SLC35D1: variants seen among roughly 807,000 people sequenced by gnomAD.
SLC35D1 encodes the protein solute carrier family 35 member D1.
SLC35D1 carries 31 observed loss-of-function variants against 46.7 expected under a neutral mutation model. The ratio of observed to expected loss-of-function variants is 0.66; its 90% CI spans 0.50 to 0.90. The LOEUF (loss-of-function observed/expected upper bound fraction) is 0.90, where lower values mean the gene tolerates loss of function less well. Ranked by LOEUF, SLC35D1 falls within the 40% of genes least tolerant of loss-of-function variation. SLC35D1 has a pLI of 0.00. For synonymous variants in SLC35D1, 195 were observed against 164.6 expected (o/e 1.18, Z -1.41); for missense variants, 397 against 426.2 (o/e 0.93, Z 0.60).
At position 67,049,979 on chromosome 1, in the gene SLC35D1, C is replaced by T. The variant is rs1396771106; in HGVS notation, c.465-129G>A. ...TCGTATTTTAAACATTTCTGAGAAA[C>T]TGATATTTAAAAGAACCCCTTTGAT... On this transcript the variant is annotated intron_variant, in intron 5 of 11. Coordinates refer to ENST00000235345, the MANE Select transcript of SLC35D1 (RefSeq NM_015139.3). 5.4e-6 allele frequency: 4 copies of T among 739,868 alleles called. No homozygotes were observed. In the African/African-American group the frequency reaches 7.1e-5, roughly 13 times the overall value. 45.8% of individuals were successfully genotyped at this position (739,868 alleles called of 1,614,324 possible). A position where few individuals can be genotyped will look rare whatever the true frequency, so the allele number is the denominator to read the frequency against.
At chr1:67,043,708 C>T (rs1159894390) in intron 7 of SLC35D1, among the ~76,000 whole-genome samples, 2 of 152,174 alleles carry the variant, frequency 1.3e-5, no homozygotes, top group Non-Finnish European at 2.9e-5. Flanking sequence ...ATTACTATAA[C>T]TACAGCTCCC....
the SLC35D1 span, chr1:66,988,579 T>C: frequency 5.3e-5 from 8 of 152,336 alleles, no homozygotes; most frequent in African/African-American, 1.9e-4. Context: ...GTATAAAGAA[T>C]TATAGAATGT....
intron 11 of SLC35D1, among the ~76,000 whole-genome samples, chr1:67,004,712 T>G (rs1419925810): frequency 6.6e-6 from 1 of 152,216 alleles, no homozygotes; most frequent in Admixed American, 6.5e-5. Context: ...CCCATTTTAT[T>G]TAAATGAACA....
downstream of SLC35D1, among the ~76,000 whole-genome samples, chr1:66,996,138 C>T (rs138499380): frequency 4.5e-3 from 678 of 152,296 alleles, 5 homozygotes; most frequent in African/African-American, 0.016. Context: ...CATTTTAGCC[C>T]GAACCCAGTG....
intron 10 of SLC35D1, among the ~76,000 whole-genome samples, chr1:67,011,571 C>CT (rs1461707599): frequency 2.0e-5 from 3 of 152,206 alleles, no homozygotes; most frequent in African/African-American, 7.2e-5. Flanking sequence ...CAATCCCTGC[C>CT]TCCTAGGCTC....
intron 8 of SLC35D1, among the ~76,000 whole-genome samples, chr1:67,040,931 G>A (rs190346061): frequency 4.5e-4 from 68 of 152,264 alleles, no homozygotes; most frequent in African/African-American, 1.3e-3. Flanking sequence ...TCTGCTAGTC[G>A]CTAGTCTGCT....
At chr1:67,013,158 A>ATATATATATGTATATATATATATATATG (rs1553264895) in intron 10 of SLC35D1, among the ~76,000 whole-genome samples, 3 of 103,640 alleles carry the variant, frequency 2.9e-5, no homozygotes, top group African/African-American at 1.7e-4. Context: ...TATCCTGGAG[A>ATATATATATGTATATATATATATATATG]TATATATATA....
At chr1:66,995,463 A>G (rs1362430331), downstream of SLC35D1, among the ~76,000 whole-genome samples, 59 of 117,730 alleles carry the variant, frequency 5.0e-4, no homozygotes, top group African/African-American at 2.0e-3. Context: ...AAAAAAAAAA[A>G]AAAAAAAAAA....
chr1:66,989,895 A>G, the SLC35D1 span, among the ~76,000 whole-genome samples: 2 of 152,210 alleles, frequency 1.3e-5, no homozygotes, highest in Non-Finnish European at 2.9e-5. Context: ...GAAAATCTAG[A>G]TTTAGGTTAA....
In SLC35D1 at chr1:67,004,518, A is replaced by T. The variant is rs1667406932; in HGVS notation, c.960-70T>A. 5.1e-6 allele frequency: 7 copies of T among 1,377,090 alleles called. No homozygotes were observed. In the East Asian group the frequency reaches 1.4e-4, roughly 27 times the overall value. 85.3% of individuals were successfully genotyped at this position (1,377,090 alleles called of 1,614,324 possible). ...TTTAGTGTAAACACTCTACTCAGTA[A>T]AAAAACTTACACCAAAAAATTAGAT... On this transcript the variant is annotated intron_variant, in intron 11 of 11. Transcript: ENST00000235345.
chr1:66,994,368 G>A (rs2102206701), downstream of SLC35D1, among the ~76,000 whole-genome samples: 1 of 152,336 alleles, frequency 6.6e-6, no homozygotes, highest in East Asian at 1.9e-4. Context: ...ATCCAGGCCA[G>A]GCACAGTGGC....
chr1:67,010,016 G>T (rs1667531336), intron 10 of SLC35D1, among the ~76,000 whole-genome samples: 1 of 152,180 alleles, frequency 6.6e-6, no homozygotes, highest in Admixed American at 6.5e-5. Context: ...AAAAAAGAAA[G>T]AAATCATGTC....
chr1:67,053,993 A>G lies in SLC35D1; in HGVS notation c.21T>C (p.Arg7=). 6.2e-7 allele frequency: 1 copy of G among 1,611,586 alleles called. No homozygotes were observed. The highest frequency in any genetic ancestry group is 8.5e-7 in the Non-Finnish European group (1 of 1,178,734). ...CTTCTCCTTTAACCCGAGCATGCTG[A>G]CGTCTATGAACTTCCGCCATGGCTG... MAEVHR[R]QHARVKGEAP... Residue 7 remains arginine, a synonymous_variant, in exon 1 of 12, where the codon CGT becomes CGC. Coordinates refer to ENST00000235345, the MANE Select transcript of SLC35D1 (RefSeq NM_015139.3).
chr1:67,023,781 C>A lies in SLC35D1; in HGVS notation c.730-2179G>T, dbSNP rs1667861200. Among the ~76,000 whole-genome samples the A allele has an allele frequency of 2.0e-5, 3 of 151,642 alleles. No homozygotes were observed. In the South Asian group the frequency reaches 6.3e-4, roughly 32 times the overall value. ...GATTACAGAGGTACAAAAGAGGTGC[C>A]CGGCCTCTTTTGCCAAATTTTTATT... On this transcript the variant is annotated intron_variant, in intron 8 of 11. Transcript: ENST00000235345.
At chr1:67,023,660 A>G (rs1667858132) in intron 8 of SLC35D1, among the ~76,000 whole-genome samples, 1 of 150,682 alleles carries the variant, frequency 6.6e-6, no homozygotes, top group East Asian at 2.0e-4. Context: ...TAATTTTTGT[A>G]TTTTTAGTAG....
the SLC35D1 span, among the ~76,000 whole-genome samples, chr1:66,982,939 G>C: frequency 6.6e-6 from 1 of 152,110 alleles, no homozygotes; most frequent in Non-Finnish European, 1.5e-5. Context: ...TCTGACCTTG[G>C]GACTAACCGT....
At chr1:67,053,788 G>GGCC (rs766723393) in intron 1 of SLC35D1, 23 bp downstream of exon 1, 4 of 1,551,182 alleles carry the variant, frequency 2.6e-6, no homozygotes, top group African/African-American at 1.4e-5. Context: ...CCGCGGCCTG[G>GGCC]GCCGCCGCCG....
intron 8 of SLC35D1, among the ~76,000 whole-genome samples, chr1:67,024,455 G>A (rs981883440): frequency 2.4e-4 from 37 of 152,002 alleles, no homozygotes; most frequent in African/African-American, 8.7e-4. Flanking sequence ...TTTAACATTA[G>A]TTTGCTAGAG....
chr1:67,000,306 A>ATTT lies in SLC35D1; in HGVS notation c.*4033_*4034insAAA, dbSNP rs1553262980. The stretch of plus-strand genomic sequence containing the variant: ...TCTTTCTTTTTTTTTTTTTTTTTTA[A>ATTT]AAAAAAGGAGGGGGAGTAGGGGGAA... On this transcript the variant is annotated 3_prime_UTR_variant, in exon 12 of 12. Coordinates refer to ENST00000235345, the MANE Select transcript of SLC35D1 (RefSeq NM_015139.3). The ATTT allele has an allele frequency of 1.3e-3, 175 of 137,914 alleles. 2 individuals are homozygous for ATTT. Among genetic ancestry groups the ATTT allele is most frequent in the African/African-American group, 4.2e-3 (153 of 36,002 alleles). The allele number at this position is 137,914 out of a possible 1,614,324, so 8.5% of individuals were successfully genotyped here.
Sources: gnomAD v4.1 joint callset for allele counts (sites outside exome capture counted in the v4.1 genomes callset) on GRCh38, gnomAD v4.1.1 for gene constraint, MANE v1.5 for transcripts, NCBI Gene and HGNC (gene_info 2026-07-23, HGNC 2026-07-21) for gene names.